DNAJC24: variants seen among roughly 807,000 people sequenced by gnomAD.
DNAJC24 encodes the protein dnaJ homolog subfamily C member 24.
A neutral mutation model predicts 18.0 loss-of-function variants in DNAJC24; 17 were observed. The ratio of observed to expected loss-of-function variants is 0.94; its 90% CI spans 0.65 to 1.42. DNAJC24 has a LOEUF of 1.42. Among genes scored for constraint, DNAJC24 ranks in the 40% most tolerant of loss-of-function variants. DNAJC24 has a pLI of 0.00. For synonymous variants in DNAJC24, 55 were observed against 57.7 expected, an observed-to-expected ratio of 0.95 and a Z score of 0.21; for missense variants, 158 against 175.6, an observed-to-expected ratio of 0.90 and a Z score of 0.57.
intron 2 of DNAJC24, among the ~76,000 whole-genome samples, chr11:31,398,368 C>T (rs926862791): frequency 2.6e-5 from 4 of 152,020 alleles, no homozygotes; most frequent in Non-Finnish European, 5.9e-5. Context: ...ATTTTGAACA[C>T]CTATATATGA....
At chr11:31,401,118 A>G (rs1027458416) in intron 2 of DNAJC24, among the ~76,000 whole-genome samples, 1 of 152,200 alleles carries the variant, frequency 6.6e-6, no homozygotes, top group South Asian at 2.1e-4. Context: ...GCCAAGAAAC[A>G]TGAAAAAAAG....
chr11:31,399,158 G>A (rs1952573365), intron 2 of DNAJC24, among the ~76,000 whole-genome samples: 1 of 152,116 alleles, frequency 6.6e-6, no homozygotes, highest in African/African-American at 2.4e-5. Context: ...TATCTTATGT[G>A]CAGTCATACA....
At chr11:31,382,425 C>T (rs553074) in intron 2 of DNAJC24, among the ~76,000 whole-genome samples, 59,018 of 151,942 alleles carry the variant, frequency 0.39, 11,899 homozygotes, top group African/African-American at 0.47. Context: ...AATTTATCAT[C>T]ATCAGTAGAA....
intron 2 of DNAJC24, among the ~76,000 whole-genome samples, chr11:31,402,541 C>T (rs983939650): frequency 6.6e-6 from 1 of 152,198 alleles, no homozygotes; most frequent in African/African-American, 2.4e-5. Context: ...CAGGGTCTTG[C>T]TCTGTCACCC....
intron 2 of DNAJC24, among the ~76,000 whole-genome samples, chr11:31,387,102 C>G (rs2133474945): frequency 6.6e-6 from 1 of 152,308 alleles, no homozygotes; most frequent in Non-Finnish European, 1.5e-5. Context: ...ACCAGATAGA[C>G]TCCTACGATT....
intron 2 of DNAJC24, among the ~76,000 whole-genome samples, chr11:31,397,692 G>T (rs1952556293): frequency 6.6e-6 from 1 of 152,058 alleles, no homozygotes; most frequent in African/African-American, 2.4e-5. Flanking sequence ...ATTCATTAGA[G>T]AATTACAACT....
chr11:31,402,212 C>T (rs1952607026), intron 2 of DNAJC24, among the ~76,000 whole-genome samples: 1 of 152,076 alleles, frequency 6.6e-6, no homozygotes, highest in Non-Finnish European at 1.5e-5. Flanking sequence ...GCAGTTGTAA[C>T]ACAGTGGTAT....
intron 2 of DNAJC24, among the ~76,000 whole-genome samples, chr11:31,386,557 A>G (rs1467885173): frequency 6.6e-6 from 1 of 151,994 alleles, no homozygotes; most frequent in African/African-American, 2.4e-5. Flanking sequence ...ATTCATCACC[A>G]GCTGACTAAA....
chr11:31,408,259 T>C, intron 2 of DNAJC24: 1 of 454,246 alleles, frequency 2.2e-6, no homozygotes, highest in Non-Finnish European at 4.4e-6. Context: ...TCTCAAATTT[T>C]AGCACGCGTA....
intron 2 of DNAJC24, among the ~76,000 whole-genome samples, chr11:31,404,775 C>T (rs886411781): frequency 1.3e-5 from 2 of 152,030 alleles, no homozygotes; most frequent in African/African-American, 4.8e-5. Context: ...CTTTGAAATT[C>T]CTCAGTGGTA....
intron 2 of DNAJC24, among the ~76,000 whole-genome samples, chr11:31,409,876 T>C (rs1344457038): frequency 1.3e-5 from 2 of 150,294 alleles, no homozygotes; most frequent in South Asian, 2.1e-4. Context: ...ATCAGCATTT[T>C]TTTTTCTTTT....
intron 2 of DNAJC24, among the ~76,000 whole-genome samples, chr11:31,380,006 G>A (rs1296276282): frequency 6.6e-6 from 1 of 152,074 alleles, no homozygotes; most frequent in Admixed American, 6.6e-5. Context: ...CTGACCTCAG[G>A]TGATCCACCC....
At chr11:31,396,582 C>A (rs1291483548) in intron 2 of DNAJC24, among the ~76,000 whole-genome samples, 5 of 152,146 alleles carry the variant, frequency 3.3e-5, no homozygotes, top group Admixed American at 2.6e-4. Flanking sequence ...TGATCTTCAG[C>A]AGCCTTAGTT....
intron 3 of DNAJC24, among the ~76,000 whole-genome samples, chr11:31,419,525 A>C (rs1952783965): frequency 6.6e-6 from 1 of 152,060 alleles, no homozygotes; most frequent in Non-Finnish European, 1.5e-5. Flanking sequence ...TTGAGTAAAA[A>C]TTTGGCTACC....
intron 2 of DNAJC24, chr11:31,396,467 G>A (rs188139258): frequency 2.7e-4 from 82 of 308,358 alleles, no homozygotes; most frequent in African/African-American, 1.7e-3. Context: ...AAAAGGTTAA[G>A]ACAGACTGCT....
At chr11:31,378,499 AG>A (rs1428762839) in intron 2 of DNAJC24, among the ~76,000 whole-genome samples, 1 of 152,176 alleles carries the variant, frequency 6.6e-6, no homozygotes, top group Non-Finnish European at 1.5e-5. Context: ...AACTCTGCAA[AG>A]TGCAATATCA....
Position 31,414,883 on chromosome 11 carries a change from A to G in DNAJC24, c.184A>G (p.Ile62Val). The change falls in exon 3 of 5, where the codon ATT becomes GTT. Residue 62 changes from isoleucine (I) to valine (V), a missense_variant. By Grantham distance (29) the Ile-to-Val change is conservative. Coordinates refer to ENST00000465995, the MANE Select transcript of DNAJC24 (RefSeq NM_181706.5). ...GGAATGTGTACAGAAGTTCATCGAA[A>G]TTGATCAAGCATGGAAAATTCTAGG... ...VEECVQKFIEIDQAWKILGNE... is the reference protein window; with the variant it reads ...VEECVQKFIEVDQAWKILGNE... 6.2e-7 allele frequency: 1 copy of G among 1,614,114 alleles called. No individual in the cohort carries two copies. Among genetic ancestry groups the G allele is most frequent in the Non-Finnish European group, 8.5e-7 (1 of 1,180,000 alleles).
At chr11:31,421,173 G>A (rs983478779) in intron 3 of DNAJC24, among the ~76,000 whole-genome samples, 5 of 152,082 alleles carry the variant, frequency 3.3e-5, no homozygotes, top group Non-Finnish European at 7.4e-5. Flanking sequence ...TTTTTCAAGA[G>A]CAGAGGCATG....
intron 2 of DNAJC24, among the ~76,000 whole-genome samples, chr11:31,398,218 C>CTT (rs1398447880): frequency 6.7e-6 from 1 of 149,076 alleles, no homozygotes; most frequent in African/African-American, 2.5e-5. Context: ...TTCTTTTACT[C>CTT]TTTTTTTTTT....
Sources: allele counts gnomAD v4.1 joint callset (sites outside exome capture counted in the v4.1 genomes callset), GRCh38; gene constraint gnomAD v4.1.1; transcripts MANE v1.5; gene names NCBI Gene and HGNC (gene_info 2026-07-23, HGNC 2026-07-21).